Variants in FSIP2 observed in about 807,000 individuals in gnomAD.
FSIP2 encodes fibrous sheath interacting protein 2.
A neutral mutation model predicts 510.5 loss-of-function variants in FSIP2; 367 were observed. The observed-to-expected ratio is 0.72, with a 90% CI of 0.66 to 0.78. FSIP2 has a LOEUF of 0.78. Ranked by LOEUF, FSIP2 falls within the 30% of genes least tolerant of loss-of-function variation. The pLI, the probability that FSIP2 is intolerant of heterozygous loss-of-function variation, is 0.00. For missense variants in FSIP2, 7,594 were observed against 7,901.7 expected (o/e 0.96, Z 1.48); for synonymous variants, 2,601 against 2,732.2 (o/e 0.95, Z 1.50).
intron 15 of FSIP2, 62 bp downstream of exon 15, chr2:185,786,350 A>T: frequency 2.8e-6 from 3 of 1,070,064 alleles, no homozygotes; most frequent in Non-Finnish European, 4.0e-6. Context: ...ATGCATCATA[A>T]TAGAAAACAT....
intron 3 of FSIP2, among the ~76,000 whole-genome samples, chr2:185,743,914 A>C (rs1691975044): frequency 6.6e-6 from 1 of 152,158 alleles, no homozygotes; most frequent in Non-Finnish European, 1.5e-5. Flanking sequence ...GGCTCACTGC[A>C]GCCTGGACCT....
chr2:185,792,659 A>T lies in FSIP2; in HGVS notation c.5523A>T (p.Ile1841=). 6.5e-6 allele frequency: 10 copies of T among 1,533,802 alleles called. No homozygotes were observed. The highest frequency in any genetic ancestry group is 8.7e-6 in the Non-Finnish European group (10 of 1,145,254). ...DPLLSEADIT[I]VTDNIVRTVF... ...TACTTTCGGAAGCAGATATAACCAT[A>T]GTAACAGATAATATTGTTAGGACTG... Residue 1841 remains isoleucine, a synonymous_variant, in exon 16 of 23, where the codon ATA becomes ATT. Coordinates refer to ENST00000424728, the MANE Select transcript of FSIP2 (RefSeq NM_173651.4).
chr2:185,801,104 A>T lies in FSIP2; in HGVS notation c.11798A>T (p.His3933Leu), dbSNP rs573530585. The T allele has an allele frequency of 4.4e-5, 68 of 1,533,044 alleles. No individual in the cohort carries two copies. The South Asian group carries it at 7.9e-4, about 18-fold the overall frequency. 95.0% of individuals were successfully genotyped at this position (1,533,044 alleles called of 1,614,324 possible). Residue 3933 changes from histidine to leucine, a missense_variant, in exon 17 of 23, where the codon CAT becomes CTT. Physicochemically the swap from His to Leu is moderately conservative, Grantham distance 99. Transcript: ENST00000424728. ...AAAATACAAGCACCATTTAACAAGC[A>T]TTGTGCAGTAAAATCCTCTTCTGTG... Reference protein sequence around the residue: ...SSKIQAPFNKHCAVKSSSVSP... With the variant: ...SSKIQAPFNKLCAVKSSSVSP...
chr2:185,791,066 G>C lies in FSIP2; in HGVS notation c.3930G>C (p.Leu1310=), dbSNP rs1240654322. 6.5e-7 allele frequency: 1 copy of C among 1,531,718 alleles called. No individual in the cohort carries two copies. Among genetic ancestry groups the C allele is most frequent in the African/African-American group, 1.4e-5 (1 of 72,720 alleles). 94.9% of individuals were successfully genotyped at this position (1,531,718 alleles called of 1,614,324 possible). The change falls in exon 16 of 23, where the codon CTG becomes CTC. Residue 1310 remains leucine (L), a synonymous_variant. Coordinates refer to ENST00000424728, the MANE Select transcript of FSIP2 (RefSeq NM_173651.4). ...TTTTATGTGCTATCCAGAATGAACT[G>C]GAACTTCACAAGGAAAACCTAAATC... The part of the protein sequence containing the change: ...NIVLCAIQNE[L]ELHKENLNLR...
intron 12 of FSIP2, among the ~76,000 whole-genome samples, chr2:185,764,068 T>G (rs1321385814): frequency 7.0e-6 from 1 of 143,632 alleles, no homozygotes; most frequent in Non-Finnish European, 1.5e-5. Context: ...GCCAAAATAT[T>G]ATAAAGGCTA....
chr2:185,794,155 C>A lies in FSIP2; in HGVS notation c.7019C>A (p.Thr2340Lys), dbSNP rs1025129050. The A allele has an allele frequency of 1.3e-6, 2 of 1,533,788 alleles. No homozygotes were observed. Among genetic ancestry groups the A allele is most frequent in the Non-Finnish European group, 1.7e-6 (2 of 1,145,408 alleles). The change falls in exon 16 of 23, where the codon ACA (threonine) becomes AAA (lysine). Residue 2340 changes from threonine (T) to lysine (K), a missense_variant. By Grantham distance (78) the Thr-to-Lys change is moderately conservative. Transcript: ENST00000424728. ...GGTCGCAGAGAAAAACTTGGATCCACAATTCACCTATCGCAAGCTAGGCTT... is the reference window on the plus strand; with the variant it reads ...GGTCGCAGAGAAAAACTTGGATCCAAAATTCACCTATCGCAAGCTAGGCTT... Reference protein sequence around the residue: ...FVGRREKLGSTIHLSQARLKT... With the variant: ...FVGRREKLGSKIHLSQARLKT...
chr2:185,799,181 C>T (rs1693365988), intron 16 of FSIP2, among the ~76,000 whole-genome samples: 1 of 151,866 alleles, frequency 6.6e-6, no homozygotes, highest in Non-Finnish European at 1.5e-5. Flanking sequence ...GACTAAAGTA[C>T]TACTGCTATT....
rs775222958 is a variant in FSIP2, at chr2:185,801,560, T to TA, written c.12255dup (p.Glu4086ArgfsTer26). 2.6e-6 allele frequency: 4 copies of TA among 1,534,160 alleles called. No individual in the cohort carries two copies. In the South Asian group the frequency reaches 3.6e-5, roughly 14 times the overall value. ...GAACAAATAACAAATGGCATATTGT[T>TA]AGAGATTTTAGACTACAAACTGCCA... On this transcript the variant is annotated frameshift_variant, in exon 17 of 23. Transcript: ENST00000424728. LOFTEE classifies it high-confidence loss of function.
intron 19 of FSIP2, among the ~76,000 whole-genome samples, chr2:185,823,420 G>C (rs1693961798): frequency 6.6e-6 from 1 of 151,446 alleles, no homozygotes; most frequent in South Asian, 2.1e-4. Context: ...AGTTCTCTAA[G>C]AAAATATACA....
intron 17 of FSIP2, among the ~76,000 whole-genome samples, chr2:185,813,008 A>G (rs984616395): frequency 1.3e-5 from 2 of 152,104 alleles, no homozygotes; most frequent in Non-Finnish European, 2.9e-5. Flanking sequence ...GTGAGAAGAC[A>G]TGAAGATTTA....
In FSIP2 at chr2:185,789,312, C is replaced by G; in HGVS notation, c.2176C>G (p.Leu726Val). ...TGATTTAACCCAGGCCATTCCCTCT[C>G]TCTCTTCTGTTACTGCTGAAGTTTT... ...MSDLTQAIPS[L>V]SSVTAEVFVE... The change falls in exon 16 of 23, where the codon CTC (leucine) becomes GTC (valine). Residue 726 changes from leucine (L) to valine (V), a missense_variant. Coordinates refer to ENST00000424728, the MANE Select transcript of FSIP2 (RefSeq NM_173651.4). The G allele has an allele frequency of 6.5e-7, 1 of 1,534,862 alleles. No homozygotes were observed. Among genetic ancestry groups the G allele is most frequent in the Non-Finnish European group, 8.7e-7 (1 of 1,145,988 alleles).
In FSIP2 at chr2:185,809,126, C is replaced by T; in HGVS notation, c.19820C>T (p.Pro6607Leu). Residue 6607 changes from proline (P) to leucine (L), a missense_variant, in exon 17 of 23, where the codon CCC becomes CTC. Pro to Leu is a moderately conservative substitution (Grantham distance 98, BLOSUM62 -3). Transcript: ENST00000424728. ...LDKTGRLDVK[P>L]LEAVARNSFQ... ...AAGACTGGAAGACTGGATGTAAAAC[C>T]CCTAGAGGTAAGTGCAAAAGCAATG... is the stretch of plus-strand genomic sequence containing the variant. 6.4e-7 allele frequency: 1 copy of T among 1,558,350 alleles called. No individual in the cohort carries two copies. The highest frequency in any genetic ancestry group is 8.6e-7 in the Non-Finnish European group (1 of 1,159,692).
In FSIP2 at chr2:185,738,852, G is replaced by C. The variant is rs773724660; in HGVS notation, c.-43G>C. 34 of 1,532,656 alleles carry C rather than the reference G, an allele frequency of 2.2e-5. 1 individual carries two copies. In the South Asian group the frequency reaches 4.1e-4, roughly 18 times the overall value. 94.9% of individuals were successfully genotyped at this position (1,532,656 alleles called of 1,614,324 possible). On this transcript the variant is annotated 5_prime_UTR_variant, in exon 1 of 23. Coordinates refer to ENST00000424728, the MANE Select transcript of FSIP2 (RefSeq NM_173651.4). ...GGGACAACGGGGTGCTAGAGAAGGA[G>C]AGCGGGGCGGGTGAGGAAGGGGCTG... is the stretch of plus-strand genomic sequence containing the variant.
At position 185,789,057 on chromosome 2, in the gene FSIP2, A is replaced by G; in HGVS notation, c.1921A>G (p.Arg641Gly). The G allele has an allele frequency of 6.5e-7, 1 of 1,534,576 alleles. No homozygotes were observed. The highest frequency in any genetic ancestry group is 2.4e-5 in the East Asian group (1 of 40,860). The part of the protein sequence containing the change: ...TNLLYSYPKL[R>G]SCKSDSHLLA... Reference sequence around the variant, plus strand: ...CTTGCTATATTCATACCCTAAGCTCAGAAGTTGTAAATCAGATAGTCACCT... The same window carrying G: ...CTTGCTATATTCATACCCTAAGCTCGGAAGTTGTAAATCAGATAGTCACCT... The change falls in exon 16 of 23, where the codon AGA becomes GGA. Residue 641 changes from arginine to glycine, a missense_variant. By Grantham distance (125) the Arg-to-Gly change is moderately radical. Transcript: ENST00000424728.
intron 13 of FSIP2, chr2:185,766,483 C>A (rs1413874774): frequency 2.3e-4 from 34 of 147,870 alleles, no homozygotes; most frequent in African/African-American, 8.2e-4. Flanking sequence ...AAAAAACAAA[C>A]AACCCCATCA....
upstream of FSIP2, chr2:185,738,699 C>T: frequency 6.5e-7 from 1 of 1,536,080 alleles, no homozygotes; most frequent in Non-Finnish European, 8.7e-7. Context: ...GGGCGCTCTA[C>T]GCGCTGGCGC....
chr2:185,776,928 TG>T (rs1394679428), intron 13 of FSIP2, among the ~76,000 whole-genome samples: 3 of 152,136 alleles, frequency 2.0e-5, no homozygotes, highest in Admixed American at 2.0e-4. Flanking sequence ...TTCGCCATGT[TG>T]GTCAGGCTGG....
Position 185,831,831 on chromosome 2 carries a change from A to G in FSIP2, c.20536A>G (p.Arg6846Gly). Residue 6846 changes from arginine (R) to glycine (G), a missense_variant, in exon 22 of 23, where the codon AGA becomes GGA. Physicochemically the swap from Arg to Gly is moderately radical, Grantham distance 125. Transcript: ENST00000424728. ...TTGGCAGTTTATCACCATCTTTGAA[A>G]GATCCAAGGATGTTCTTGGCAGTGC... ...NSVKFITIFE[R>G]SKDVLGSANP... The G allele has an allele frequency of 6.2e-7, 1 of 1,609,204 alleles. No individual in the cohort carries two copies. Among genetic ancestry groups the G allele is most frequent in the Non-Finnish European group, 8.5e-7 (1 of 1,176,346 alleles).
chr2:185,765,415 G>C (rs1029720579), intron 13 of FSIP2: 1 of 151,882 alleles, frequency 6.6e-6, no homozygotes, highest in Non-Finnish European at 1.5e-5. Flanking sequence ...TTTCCCCATT[G>C]CTTGTTTTTC....
Sources: gnomAD v4.1 joint callset for allele counts (sites outside exome capture counted in the v4.1 genomes callset) on GRCh38, gnomAD v4.1.1 for gene constraint, MANE v1.5 for transcripts, NCBI Gene and HGNC (gene_info 2026-07-23, HGNC 2026-07-21) for gene names.